Variants in HPSE observed in about 807,000 individuals in gnomAD.
The protein encoded by HPSE is endo-glucoronidase.
In HPSE, 48 loss-of-function variants were observed where a neutral mutation model predicts 65.1. That is an observed-to-expected ratio of 0.74 (90% confidence interval 0.58 to 0.94). The LOEUF is 0.94. HPSE is among the 40% of genes least tolerant of loss of function. HPSE has a pLI of 0.00. For missense variants in HPSE, 644 were observed against 637.5 expected (o/e 1.01, Z -0.11); for synonymous variants, 243 against 260.0 (o/e 0.93, Z 0.63).
intron 9 of HPSE, among the ~76,000 whole-genome samples, chr4:83,303,084 A>G (rs1736013408): frequency 6.6e-6 from 1 of 152,204 alleles, no homozygotes; most frequent in Non-Finnish European, 1.5e-5. Flanking sequence ...GTCAAGATCA[A>G]AACCAGACAC....
At position 83,293,611 on chromosome 4, in the gene HPSE, AAGGT is replaced by A. The variant is rs1735624476; in HGVS notation, c.*1729_*1732del. 1 of 152,218 alleles carries A rather than the reference AAGGT, an allele frequency of 6.6e-6. No individual in the cohort carries two copies. The highest frequency in any genetic ancestry group is 1.9e-4 in the East Asian group (1 of 5,200). The allele number at this position is 152,218 out of a possible 1,614,324, so 9.4% of individuals were successfully genotyped here. On this transcript the variant is annotated 3_prime_UTR_variant, in exon 12 of 12. Transcript: ENST00000311412. The stretch of plus-strand genomic sequence containing the variant: ...AGCTTCCCAACTGAAACAAGGAAGA[AAGGT>A]AGAGAAAAAGCAAGCATTAACAGAC...
intron 1 of HPSE, among the ~76,000 whole-genome samples, chr4:83,323,559 T>C (rs1313158346): frequency 1.3e-5 from 2 of 152,000 alleles, no homozygotes; most frequent in Non-Finnish European, 2.9e-5. Flanking sequence ...TTAAAAAGTC[T>C]TCACACACCT....
chr4:83,296,963 A>G (rs895002229), intron 11 of HPSE, among the ~76,000 whole-genome samples: 1 of 152,242 alleles, frequency 6.6e-6, no homozygotes, highest in African/African-American at 2.4e-5. Flanking sequence ...TTGGTCCACC[A>G]TGGACCGCAT....
intron 1 of HPSE, among the ~76,000 whole-genome samples, chr4:83,328,753 TGGGGAAAG>T (rs1737246958): frequency 7.2e-4 from 1 of 1,386 alleles, no homozygotes; most frequent in Admixed American, 0.01. Flanking sequence ...GGGAAAGGCT[TGGGGAAAG>T]GCTTGGGGAA....
At position 83,320,411 on chromosome 4, in the gene HPSE, GA is replaced by G. The variant is rs564023420; in HGVS notation, c.374-943del. Among the ~76,000 whole-genome samples, 7 of 152,030 alleles carry G rather than the reference GA, an allele frequency of 4.6e-5. No homozygotes were observed. The East Asian group carries it at 1.4e-3, about 30-fold the overall frequency. On this transcript the variant is annotated intron_variant, in intron 2 of 11. Transcript: ENST00000311412. ...AAAACCCTGCCTCTACTAAAAATAC[GA>G]AAACTTAGCTGGGCGTGGTGGTGTG...
At position 83,313,223 on chromosome 4, in the gene HPSE, T is replaced by A. The variant is rs1736487653; in HGVS notation, c.564A>T (p.Leu188=). ...NCSGLDLIFG[L]NALLRTADLQ... The stretch of plus-strand genomic sequence containing the variant: ...AATCTGCTGTTCTTAATAACGCATT[T>A]AGGCCAAAGATCAAGTCCAGTCCTG... Residue 188 remains leucine (L), a synonymous_variant, in exon 4 of 12, where the codon CTA becomes CTT. Coordinates refer to ENST00000311412, the MANE Select transcript of HPSE (RefSeq NM_001098540.3). The A allele has an allele frequency of 1.2e-6, 2 of 1,613,870 alleles. No individual in the cohort carries two copies. Among genetic ancestry groups the A allele is most frequent in the South Asian group, 2.2e-5 (2 of 91,082 alleles).
At chr4:83,316,951 C>T (rs963656063) in intron 3 of HPSE, among the ~76,000 whole-genome samples, 4 of 152,072 alleles carry the variant, frequency 2.6e-5, no homozygotes, top group African/African-American at 9.7e-5. Context: ...CCCAGGCTAG[C>T]GTGCGGTGGC....
rs1553920742 is a variant in HPSE at position 83,322,789 on chromosome 4, T to TTTTGTGTGTG, written c.228-426_228-425insCACACACAAA. On this transcript the variant is annotated intron_variant, in intron 1 of 11. Coordinates refer to ENST00000311412, the MANE Select transcript of HPSE (RefSeq NM_001098540.3). ...AGCTCTAATTCTGGCAAGAGCTTGT[T>TTTTGTGTGTG]TGTGTGTGTGTGTGTGTGTGTGTGT... Among the ~76,000 whole-genome samples the TTTTGTGTGTG allele has an allele frequency of 8.1e-4, 84 of 104,056 alleles. 2 individuals carry two copies. The highest frequency in any genetic ancestry group is 4.8e-3 in the East Asian group (13 of 2,732). The allele number at this position is 104,056 out of a possible 152,430, so 68.3% of individuals were successfully genotyped here. A position where few individuals can be genotyped will look rare whatever the true frequency, so the allele number is the denominator to read the frequency against.
At position 83,302,177 on chromosome 4, in the gene HPSE, A is replaced by G. The variant is rs1735975104; in HGVS notation, c.1298T>C (p.Val433Ala). 3 of 1,612,986 alleles carry G rather than the reference A, an allele frequency of 1.9e-6. No individual in the cohort carries two copies. Among genetic ancestry groups the G allele is most frequent in the Non-Finnish European group, 2.5e-6 (3 of 1,178,956 alleles). The change falls in exon 10 of 12, where the codon GTA becomes GCA. Residue 433 changes from valine (V) to alanine (A), a missense_variant. Physicochemically the swap from Val to Ala is moderately conservative, Grantham distance 64. Transcript: ENST00000311412. ...GTCAGTGTTTGTGCAATGAAGGTAT[A>G]CTCGAAGCTTCCTTCTCTTTGAACC... ...VQGSKRRKLR[V>A]YLHCTNTDNP...
At chr4:83,297,780 T>G (rs922561233) in intron 11 of HPSE, among the ~76,000 whole-genome samples, 1 of 152,316 alleles carries the variant, frequency 6.6e-6, no homozygotes, top group Admixed American at 6.5e-5. Flanking sequence ...CACCTCAATT[T>G]TTAGATGGAG....
At chr4:83,319,647 G>T (rs1004959898) in intron 2 of HPSE, among the ~76,000 whole-genome samples, 178 bp from the exon 3 acceptor site, 7 of 152,152 alleles carry the variant, frequency 4.6e-5, no homozygotes, top group Non-Finnish European at 7.3e-5. Context: ...GCCGGCTCAT[G>T]AATTACCACA....
chr4:83,304,332 T>C (rs1452228170), intron 9 of HPSE, among the ~76,000 whole-genome samples: 1 of 152,218 alleles, frequency 6.6e-6, no homozygotes, highest in Non-Finnish European at 1.5e-5. Context: ...AAGATTCATG[T>C]CCTGCTTTTA....
rs1490407138 is a variant in HPSE, at chr4:83,334,633, G to A, written c.150C>T (p.His50=). The A allele has an allele frequency of 1.9e-6, 3 of 1,588,914 alleles. No homozygotes were observed. The highest frequency in any genetic ancestry group is 1.3e-5 in the African/African-American group (1 of 74,522). The part of the protein sequence containing the change: ...DLDFFTQEPL[H]LVSPSFLSVT... ...CGGACAGGAACGAGGGGCTCACCAGGTGCAGCGGCTCCTGGGTGAAGAAGT... is the reference window on the plus strand; with the variant it reads ...CGGACAGGAACGAGGGGCTCACCAGATGCAGCGGCTCCTGGGTGAAGAAGT... Residue 50 remains histidine (H), a synonymous_variant, in exon 1 of 12, where the codon CAC becomes CAT. Coordinates refer to ENST00000311412, the MANE Select transcript of HPSE (RefSeq NM_001098540.3).
intron 9 of HPSE, 29 bp from the exon 10 acceptor site, chr4:83,302,297 C>CA (rs1735982410): frequency 1.4e-6 from 2 of 1,410,466 alleles, no homozygotes; most frequent in East Asian, 2.3e-5. Context: ...GAGAAAGAGA[C>CA]AAAAATAGAT....
intron 4 of HPSE, among the ~76,000 whole-genome samples, chr4:83,311,957 T>C (rs928676873): frequency 2.6e-5 from 4 of 152,256 alleles, no homozygotes; most frequent in East Asian, 1.9e-4. Flanking sequence ...TTACAAGTTC[T>C]TTGCAAAAAA....
Position 83,306,204 on chromosome 4 carries a change from G to C in HPSE, c.1205C>G (p.Pro402Arg). The C allele has an allele frequency of 6.4e-7, 1 of 1,570,744 alleles. No homozygotes were observed. The highest frequency in any genetic ancestry group is 1.1e-5 in the South Asian group (1 of 90,238). ...HLVDENFDPL[P>R]DYWLSLLFKK... ...ATTAGGAAAATAATGGTCACTTACAGGTAAAGGATCGAAGTTTTCATCCAC... is the reference window on the plus strand; with the variant it reads ...ATTAGGAAAATAATGGTCACTTACACGTAAAGGATCGAAGTTTTCATCCAC... The change falls in exon 9 of 12, where the codon CCT becomes CGT. Residue 402 changes from proline (P) to arginine (R), a missense_variant and splice_region_variant. Physicochemically the swap from Pro to Arg is moderately radical, Grantham distance 103 (BLOSUM62 -2). Transcript: ENST00000311412.
intron 1 of HPSE, among the ~76,000 whole-genome samples, chr4:83,324,315 G>A (rs1422733349): frequency 1.3e-5 from 2 of 151,550 alleles, no homozygotes; most frequent in Non-Finnish European, 2.9e-5. Flanking sequence ...AATATCCTAG[G>A]AATTAAAGAT....
Position 83,313,154 on chromosome 4 carries a change from G to C in HPSE, c.633C>G (p.Cys211Trp). ...SSNAQLLLDY[C>W]SSKGYNISWE... The stretch of plus-strand genomic sequence containing the variant: ...AAGAAATGTTATACCCCTTGGAAGA[G>C]CAGTAGTCCAGGAGCAACTGAGCAT... Residue 211 changes from cysteine to tryptophan, a missense_variant, in exon 4 of 12, where the codon TGC becomes TGG. Cys to Trp is a radical substitution (Grantham distance 215). Coordinates refer to ENST00000311412, the MANE Select transcript of HPSE (RefSeq NM_001098540.3). 1 of 1,613,814 alleles carries C rather than the reference G, an allele frequency of 6.2e-7. No homozygotes were observed. Among genetic ancestry groups the C allele is most frequent in the Non-Finnish European group, 8.5e-7 (1 of 1,179,738 alleles).
intron 3 of HPSE, among the ~76,000 whole-genome samples, chr4:83,316,177 C>T (rs1219894745): frequency 6.6e-6 from 1 of 152,010 alleles, no homozygotes; most frequent in Non-Finnish European, 1.5e-5. Flanking sequence ...CAGGTGGACG[C>T]CACCAAGCCC....
Sources: allele counts gnomAD v4.1 joint callset (sites outside exome capture counted in the v4.1 genomes callset), GRCh38; gene constraint gnomAD v4.1.1; transcripts MANE v1.5; gene names NCBI Gene and HGNC (gene_info 2026-07-23, HGNC 2026-07-21).